The following MAST4 variants were observed in gnomAD, a reference collection of about 807,000 sequenced individuals.
MAST4 encodes microtubule-associated serine/threonine-protein kinase 4.
Under a neutral mutation model 162.7 loss-of-function variants are expected in MAST4, and 89 were observed. The ratio of observed to expected loss-of-function variants is 0.55; its 90% CI spans 0.46 to 0.65. The LOEUF (loss-of-function observed/expected upper bound fraction) is 0.65, where lower values mean the gene tolerates loss of function less well. Ranked by LOEUF, MAST4 falls within the 30% of genes least tolerant of loss-of-function variation. MAST4 has a pLI of 0.00. For missense variants in MAST4, 3,153 were observed against 3,374.0 expected, an observed-to-expected ratio of 0.93 and a Z score of 1.62; for synonymous variants, 1,479 against 1,361.1, an observed-to-expected ratio of 1.09 and a Z score of -1.91.
chr5:67,084,891 T>A (rs1003148906), intron 5 of MAST4, among the ~76,000 whole-genome samples: 4 of 152,216 alleles, frequency 2.6e-5, no homozygotes, highest in African/African-American at 9.6e-5. Flanking sequence ...TGTTATTTGC[T>A]CTAATGTACA....
At position 67,163,176 on chromosome 5, in the gene MAST4, A is replaced by G. The variant is rs749615777; in HGVS notation, c.3997A>G (p.Ser1333Gly). ...TAATTCCTCCCAGAGCAGCTCCCCTAGTTCTAGTGCCCCCAATTCCCCAGC... is the reference window on the plus strand; with the variant it reads ...TAATTCCTCCCAGAGCAGCTCCCCTGGTTCTAGTGCCCCCAATTCCCCAGC... Reference protein sequence around the residue: ...GTNSSQSSSPSSSAPNSPAGS... With the variant: ...GTNSSQSSSPGSSAPNSPAGS... Residue 1333 changes from serine (S) to glycine (G), a missense_variant, in exon 29 of 29, where the codon AGT (serine) becomes GGT (glycine). By Grantham distance (56) the Ser-to-Gly change is moderately conservative (BLOSUM62 0). Around this residue, in one of 7 missense-constraint regions of MAST4, gnomAD observed 619 missense variants for 744.2 expected, o/e 0.83. Coordinates refer to ENST00000403625, the MANE Select transcript of MAST4 (RefSeq NM_001164664.2). This position sits in a 1 kb window ranked among gnomAD's most constrained non-coding sequence, Gnocchi z 7.0. 1.2e-6 allele frequency: 2 copies of G among 1,609,996 alleles called. No homozygotes were observed. The highest frequency in any genetic ancestry group is 1.1e-5 in the South Asian group (1 of 90,970).
At chr5:66,777,601 C>A (rs753568602) in intron 2 of MAST4, among the ~76,000 whole-genome samples, 2 of 152,102 alleles carry the variant, frequency 1.3e-5, no homozygotes, top group Non-Finnish European at 2.9e-5. Flanking sequence ...AATTAAGGGT[C>A]TTTCAAGGAT....
At chr5:66,857,245 G>T (rs1759755799) in intron 3 of MAST4, among the ~76,000 whole-genome samples, 1 of 152,128 alleles carries the variant, frequency 6.6e-6, no homozygotes, top group Non-Finnish European at 1.5e-5. Context: ...CATTTTAAGT[G>T]CTGGTTACTA....
At chr5:66,782,308 A>ACAC (rs1754913703) in intron 2 of MAST4, among the ~76,000 whole-genome samples, 1 of 152,036 alleles carries the variant, frequency 6.6e-6, no homozygotes, top group Non-Finnish European at 1.5e-5. Context: ...AAAAAAAAGA[A>ACAC]AACACATTCT....
chr5:66,978,599 A>C (rs1250048764), intron 4 of MAST4, among the ~76,000 whole-genome samples: 5 of 152,210 alleles, frequency 3.3e-5, no homozygotes. Flanking sequence ...TTTAAACTGG[A>C]CTATGAAGTT....
chr5:67,164,935 A>C lies in MAST4; in HGVS notation c.5756A>C (p.Gln1919Pro). ...SPGTVMESNP[Q>P]QREGSSPKHQ... is the part of the protein sequence containing the mutation. ...GGAACAGTCATGGAAAGCAATCCCC[A>C]ACAGAGAGAGGGCAGCTCCCCTAAA... The change falls in exon 29 of 29, where the codon CAA becomes CCA. Residue 1919 changes from glutamine (Q) to proline (P), a missense_variant. Gln to Pro is a moderately conservative substitution (Grantham distance 76). Around this residue, in one of 7 missense-constraint regions of MAST4, gnomAD observed 1,644 missense variants for 1,495.0 expected, o/e 1.10. Transcript: ENST00000403625. This position sits in a 1 kb window ranked among gnomAD's most constrained non-coding sequence, Gnocchi z 5.3. The C allele has an allele frequency of 3.1e-6, 5 of 1,613,890 alleles. No individual in the cohort carries two copies. The highest frequency in any genetic ancestry group is 4.2e-6 in the Non-Finnish European group (5 of 1,179,850).
At chr5:67,097,620 A>G (rs919717760) in intron 7 of MAST4, among the ~76,000 whole-genome samples, 1 of 152,138 alleles carries the variant, frequency 6.6e-6, no homozygotes, top group African/African-American at 2.4e-5. Flanking sequence ...GACACCCCCA[A>G]GACCATTTTT....
intron 3 of MAST4, among the ~76,000 whole-genome samples, chr5:66,872,167 GTTTGTTTGTTTGTTTGTT>G (rs1240516924): frequency 8.2e-6 from 1 of 122,558 alleles, no homozygotes; most frequent in Non-Finnish European, 1.9e-5. Context: ...TTGTTTGTTT[GTTTGTTTGTTTGTTTGTT>G]TTGAGTCAAA....
At chr5:66,983,787 T>C (rs1383681973) in intron 4 of MAST4, among the ~76,000 whole-genome samples, 1 of 152,178 alleles carries the variant, frequency 6.6e-6, no homozygotes, top group Admixed American at 6.5e-5. Flanking sequence ...AAAGCCTTAG[T>C]AGAGGTGGAG....
chr5:66,697,046 G>A (rs949319424), intron 1 of MAST4, among the ~76,000 whole-genome samples: 2 of 152,216 alleles, frequency 1.3e-5, no homozygotes, highest in Non-Finnish European at 2.9e-5. Flanking sequence ...AGAAGCACTT[G>A]TGCGATCGGT....
intron 5 of MAST4, among the ~76,000 whole-genome samples, chr5:67,075,710 A>G (rs1002206356): frequency 3.3e-5 from 5 of 152,188 alleles, no homozygotes; most frequent in Admixed American, 6.5e-5. Context: ...TGCTGTAACT[A>G]TATGTCATAA....
intron 14 of MAST4, among the ~76,000 whole-genome samples, chr5:67,127,646 G>C (rs1385995733): frequency 6.6e-6 from 1 of 152,008 alleles, no homozygotes. Context: ...TCTATTTGAG[G>C]GATGGCCAAG....
chr5:66,889,738 C>T lies in MAST4; in HGVS notation c.643-10213C>T, dbSNP rs145783201. On this transcript the variant is annotated intron_variant, in intron 3 of 28. Transcript: ENST00000403625. ...TGCACTTAAATAGTCATAGCTAACA[C>T]GAAGGGTGCTCTTAGGTTTGGGAGC... Among the ~76,000 whole-genome samples the T allele has an allele frequency of 1.9e-3, 295 of 152,284 alleles. 2 individuals are homozygous for T. The highest frequency in any genetic ancestry group is 6.6e-3 in the African/African-American group (275 of 41,560).
rs111644285 is a variant in MAST4 at position 66,645,250 on chromosome 5, C to T, written c.363+48232C>T. 9.3e-3 allele frequency among the ~76,000 whole-genome samples: 1,422 copies of T among 152,260 alleles called. 18 individuals carry two copies. The highest frequency in any genetic ancestry group is 0.033 in the African/African-American group (1,358 of 41,550). ...TGTACTTCAAGTCATTTTTCTGAGT[C>T]ATTGGACAACTCTAGATTATGATCT... On this transcript the variant is annotated intron_variant, in intron 1 of 28. Coordinates refer to ENST00000403625, the MANE Select transcript of MAST4 (RefSeq NM_001164664.2).
intron 1 of MAST4, among the ~76,000 whole-genome samples, chr5:66,757,986 C>T (rs1753644840): frequency 6.6e-6 from 1 of 151,874 alleles, no homozygotes; most frequent in African/African-American, 2.4e-5. Flanking sequence ...CTAAATAGGA[C>T]ACTGATGTAA....
intron 2 of MAST4, among the ~76,000 whole-genome samples, chr5:66,787,969 A>T (rs906492021): frequency 7.2e-5 from 11 of 152,314 alleles, no homozygotes; most frequent in Middle Eastern, 3.4e-3. Flanking sequence ...TGTTAATATT[A>T]GTCAAGTCCA....
intron 3 of MAST4, among the ~76,000 whole-genome samples, chr5:66,869,265 C>T (rs1456922441): frequency 6.6e-6 from 1 of 152,134 alleles, no homozygotes; most frequent in Non-Finnish European, 1.5e-5. Flanking sequence ...TCACATCAAA[C>T]TAAATAAATA....
rs186144980 is a variant in MAST4 at position 66,724,532 on chromosome 5, G to A, written c.364-35177G>A. Reference sequence around the variant, plus strand: ...TTATGGTCATGTGTCACTCATGAATGGGGATATGTTCTGAGAAGCATGTCA... The same window carrying A: ...TTATGGTCATGTGTCACTCATGAATAGGGATATGTTCTGAGAAGCATGTCA... On this transcript the variant is annotated intron_variant, in intron 1 of 28. Transcript: ENST00000403625. Among the ~76,000 whole-genome samples the A allele has an allele frequency of 2.6e-3, 397 of 152,186 alleles. 1 individual carries two copies. The highest frequency in any genetic ancestry group is 9.1e-3 in the African/African-American group (377 of 41,532).
chr5:66,993,269 T>C (rs1216975932), intron 4 of MAST4, among the ~76,000 whole-genome samples: 1 of 152,206 alleles, frequency 6.6e-6, no homozygotes, highest in Admixed American at 6.5e-5. Flanking sequence ...CTGTAGAAGT[T>C]GGAAAAATAG....
Sources: allele counts gnomAD v4.1 joint callset (sites outside exome capture counted in the v4.1 genomes callset), GRCh38; gene constraint gnomAD v4.1.1; regional missense constraint gnomAD v4.1.1; non-coding constraint Gnocchi (gnomAD v3.1); transcripts MANE v1.5; gene names NCBI Gene and HGNC (gene_info 2026-07-23, HGNC 2026-07-21).